The following TBCE variants were observed in gnomAD, a reference collection of about 807,000 sequenced individuals.
The protein encoded by TBCE is tubulin-specific chaperone E.
Under a neutral mutation model 77.0 loss-of-function variants are expected in TBCE, and 53 were observed. That is an observed-to-expected ratio of 0.69 (90% CI 0.55 to 0.87). The LOEUF (loss-of-function observed/expected upper bound fraction) is 0.87, where lower values mean the gene tolerates loss of function less well. Ranked by LOEUF, TBCE falls within the 40% of genes least tolerant of loss-of-function variation. The probability of loss-of-function intolerance (pLI) is 0.00; values close to 1 mark genes in which losing one functional copy is unlikely to be tolerated. For missense variants in TBCE, 624 were observed against 622.4 expected (o/e 1.00, Z -0.03); for synonymous variants, 235 against 241.3 (o/e 0.97, Z 0.24).
At chr1:235,378,092 T>C (rs1677407919) in intron 1 of TBCE, among the ~76,000 whole-genome samples, 1 of 152,212 alleles carries the variant, frequency 6.6e-6, no homozygotes, top group South Asian at 2.1e-4. Flanking sequence ...ACAGCATATG[T>C]TTTTTCTTTT....
intron 5 of TBCE, among the ~76,000 whole-genome samples, chr1:235,422,627 C>T (rs767868676): frequency 1.3e-5 from 2 of 151,990 alleles, no homozygotes; most frequent in African/African-American, 2.4e-5. Flanking sequence ...GTCAGGAGTT[C>T]GAGACCAGCC....
rs71174425 is a variant in TBCE, at chr1:235,400,408, C to CTTTTTTTTTTTTTTTTTTTT, written c.101-1085_101-1084insTTTTTTTTTTTTTTTTTTTT. Among the ~76,000 whole-genome samples the CTTTTTTTTTTTTTTTTTTTT allele has an allele frequency of 4.1e-4, 43 of 106,014 alleles. 7 individuals are homozygous for CTTTTTTTTTTTTTTTTTTTT. The highest frequency in any genetic ancestry group is 8.1e-4 in the African/African-American group (19 of 23,454). The allele number at this position is 106,014 out of a possible 152,430, so 69.5% of individuals were successfully genotyped here. A position where few individuals can be genotyped will look rare whatever the true frequency, so the allele number is the denominator to read the frequency against. The stretch of plus-strand genomic sequence containing the variant: ...ATTGAAGGAAAAAATTATTTTTCCT[C>CTTTTTTTTTTTTTTTTTTTT]TTTTTTTTTTGAGATGGAGTCTCGC... On this transcript the variant is annotated intron_variant, in intron 2 of 16. Coordinates refer to ENST00000642610, the MANE Select transcript of TBCE (RefSeq NM_003193.5).
intron 2 of TBCE, among the ~76,000 whole-genome samples, chr1:235,385,707 G>T (rs1677959148): frequency 6.6e-6 from 1 of 152,128 alleles, no homozygotes; most frequent in South Asian, 2.1e-4. Flanking sequence ...GGGCCTGTGT[G>T]TGTCTCTGCC....
chr1:235,385,477 C>G (rs1482803852), intron 2 of TBCE, among the ~76,000 whole-genome samples: 1 of 151,936 alleles, frequency 6.6e-6, no homozygotes, highest in Non-Finnish European at 1.5e-5. Context: ...TCACTGAGGA[C>G]TTGCTTTATG....
At chr1:235,448,242 AC>A in intron 15 of TBCE, 106 bp from the exon 16 acceptor site, 1 of 794,718 alleles carries the variant, frequency 1.3e-6, no homozygotes, top group African/African-American at 1.7e-5. Flanking sequence ...AAAAAAAAAG[AC>A]AGATACAGCT....
At chr1:235,429,994 A>C (rs545241622) in intron 6 of TBCE, 1 of 152,644 alleles carries the variant, frequency 6.6e-6, no homozygotes, top group East Asian at 1.9e-4. Flanking sequence ...CTGGGATTAC[A>C]GGCGTGAGCT....
At chr1:235,371,038 CT>C (rs71174417) in intron 1 of TBCE, among the ~76,000 whole-genome samples, 7 of 23,304 alleles carry the variant, frequency 3.0e-4, no homozygotes, top group South Asian at 2.6e-3. Context: ...TCACGCCTGG[CT>C]TTTTTTTTTT....
chr1:235,443,050 T>C, intron 15 of TBCE, 139 bp downstream of exon 15: 1 of 830,526 alleles, frequency 1.2e-6, no homozygotes, highest in Non-Finnish European at 2.0e-6. Context: ...TTTTATATTC[T>C]AAAATACAAT....
intron 5 of TBCE, among the ~76,000 whole-genome samples, chr1:235,425,738 G>A (rs976428109): frequency 2.0e-5 from 3 of 151,932 alleles, no homozygotes; most frequent in East Asian, 1.9e-4. Context: ...AGGCGCTGGC[G>A]GTCCCGGTCA....
intron 13 of TBCE, among the ~76,000 whole-genome samples, chr1:235,439,355 G>A (rs1458659307): frequency 6.6e-6 from 1 of 150,468 alleles, no homozygotes; most frequent in African/African-American, 2.5e-5. Flanking sequence ...AATGAGCCGG[G>A]CGTGGTGGCG....
chr1:235,448,218 C>CAG, intron 15 of TBCE, 131 bp from the exon 16 acceptor site: 2 of 671,990 alleles, frequency 3.0e-6, no homozygotes, highest in East Asian at 5.5e-5. Context: ...GTAAGTCAGT[C>CAG]TCAAAAAAAA....
chr1:235,404,060 C>T (rs943461285), intron 3 of TBCE, among the ~76,000 whole-genome samples: 9 of 152,172 alleles, frequency 5.9e-5, no homozygotes, highest in African/African-American at 2.2e-4. Context: ...AGGCGGATCA[C>T]GAGGTCAGGA....
chr1:235,422,113 G>A (rs190886158), intron 5 of TBCE, among the ~76,000 whole-genome samples: 15 of 152,344 alleles, frequency 9.8e-5, no homozygotes, highest in Admixed American at 9.8e-4. Flanking sequence ...GCTGGAGTGA[G>A]GGGAATTGAA....
intron 1 of TBCE, among the ~76,000 whole-genome samples, chr1:235,378,167 A>T (rs1027474924): frequency 3.3e-5 from 5 of 152,194 alleles, no homozygotes; most frequent in Non-Finnish European, 7.3e-5. Context: ...ATAGTTATGT[A>T]ACTTGTCGTT....
At chr1:235,372,039 TG>T (rs1677000570) in intron 1 of TBCE, among the ~76,000 whole-genome samples, 1 of 151,998 alleles carries the variant, frequency 6.6e-6, no homozygotes, top group Admixed American at 6.6e-5. Flanking sequence ...TGGAGTACAG[TG>T]GTGTGATCAG....
intron 2 of TBCE, among the ~76,000 whole-genome samples, chr1:235,397,350 C>CTG (rs1678800815): frequency 6.6e-6 from 1 of 151,984 alleles, no homozygotes; most frequent in Non-Finnish European, 1.5e-5. Flanking sequence ...TACGGGCGCC[C>CTG]GCCAGGATGC....
At chr1:235,394,774 A>T (rs1678628919) in intron 2 of TBCE, among the ~76,000 whole-genome samples, 1 of 151,916 alleles carries the variant, frequency 6.6e-6, no homozygotes, top group Non-Finnish European at 1.5e-5. Flanking sequence ...GTGCAGTGGC[A>T]TGATCATAGC....
At chr1:235,387,589 A>C (rs1439156822) in intron 2 of TBCE, among the ~76,000 whole-genome samples, 1 of 152,212 alleles carries the variant, frequency 6.6e-6, no homozygotes, top group Admixed American at 6.5e-5. Context: ...CCGTAGGTGT[A>C]GGACCCTCCG....
intron 5 of TBCE, among the ~76,000 whole-genome samples, chr1:235,420,018 G>A (rs1036756147): frequency 1.1e-4 from 17 of 151,840 alleles, no homozygotes; most frequent in Non-Finnish European, 2.9e-5. Context: ...CCGCTAGGCG[G>A]AGGTTGCAGT....
Sources: allele counts gnomAD v4.1 joint callset (sites outside exome capture counted in the v4.1 genomes callset), GRCh38; gene constraint gnomAD v4.1.1; transcripts MANE v1.5; gene names NCBI Gene and HGNC (gene_info 2026-07-23, HGNC 2026-07-21).